Variants in TSPAN9 observed in about 807,000 individuals in gnomAD.
TSPAN9 encodes tetraspanin 9.
Under a neutral mutation model 31.0 loss-of-function variants are expected in TSPAN9, and 16 were observed. That is an observed-to-expected ratio of 0.52 (90% confidence interval 0.35 to 0.78). The LOEUF (loss-of-function observed/expected upper bound fraction) is 0.78. Ranked by LOEUF, TSPAN9 falls within the 30% of genes least tolerant of loss-of-function variation. TSPAN9 has a pLI of 0.01. For synonymous variants in TSPAN9, 145 were observed against 121.6 expected, an observed-to-expected ratio of 1.19 and a Z score of -1.27; for missense variants, 272 against 312.5, an observed-to-expected ratio of 0.87 and a Z score of 0.98.
intron 2 of TSPAN9, among the ~76,000 whole-genome samples, chr12:3,177,419 G>GA (rs2098356364): frequency 6.7e-6 from 1 of 149,114 alleles, no homozygotes; most frequent in African/African-American, 2.5e-5. Flanking sequence ...TTACAGGCGT[G>GA]AGCCACTGTG....
chr12:3,163,674 A>G (rs1415884056), intron 2 of TSPAN9, among the ~76,000 whole-genome samples: 1 of 152,230 alleles, frequency 6.6e-6, no homozygotes, highest in African/African-American at 2.4e-5. Context: ...TACGAGAGAC[A>G]GATGTCAGCG....
chr12:3,209,104 G>A (rs1050595028), intron 3 of TSPAN9, among the ~76,000 whole-genome samples: 5 of 151,970 alleles, frequency 3.3e-5, no homozygotes, highest in African/African-American at 7.3e-5. Context: ...GTGTGGTGGC[G>A]GGTGCCTGTA....
chr12:3,086,293 C>G (rs1226922490), intron 2 of TSPAN9, among the ~76,000 whole-genome samples: 1 of 151,232 alleles, frequency 6.6e-6, no homozygotes, highest in Non-Finnish European at 1.5e-5. Context: ...ACGATCCTAT[C>G]TGCATTTCAA....
At chr12:3,183,324 T>C (rs967883830) in intron 2 of TSPAN9, among the ~76,000 whole-genome samples, 12 of 151,984 alleles carry the variant, frequency 7.9e-5, no homozygotes, top group Non-Finnish European at 1.3e-4. Context: ...GGAGGGGAGA[T>C]TTTGGCCAGG....
intron 3 of TSPAN9, among the ~76,000 whole-genome samples, chr12:3,203,063 T>G (rs1232206016): frequency 6.6e-6 from 1 of 152,202 alleles, no homozygotes; most frequent in East Asian, 1.9e-4. Flanking sequence ...CCTTTTTGTT[T>G]TGTCCCACCC....
At chr12:3,151,930 AC>A (rs373001112) in intron 2 of TSPAN9, among the ~76,000 whole-genome samples, 1 of 151,630 alleles carries the variant, frequency 6.6e-6, no homozygotes, top group Non-Finnish European at 1.5e-5. Context: ...CTCAAAAAAA[AC>A]AAAAAAAACA....
intron 3 of TSPAN9, among the ~76,000 whole-genome samples, chr12:3,235,169 C>T (rs1458251777): frequency 1.1e-4 from 11 of 97,672 alleles, no homozygotes; most frequent in Non-Finnish European, 1.7e-4. Flanking sequence ...TGCGACAGAG[C>T]GAGACTCCGT....
chr12:3,232,501 T>C (rs2098391281), intron 3 of TSPAN9, among the ~76,000 whole-genome samples: 1 of 152,238 alleles, frequency 6.6e-6, no homozygotes, highest in South Asian at 2.1e-4. Context: ...TCCCTGCAAT[T>C]GGTCCATGGA....
intron 3 of TSPAN9, among the ~76,000 whole-genome samples, chr12:3,237,794 C>T (rs2098394589): frequency 6.6e-6 from 1 of 152,170 alleles, no homozygotes; most frequent in South Asian, 2.1e-4. Flanking sequence ...CATTAGCTCC[C>T]TCCAGCTGTC....
chr12:3,121,765 A>G (rs1460726120), intron 2 of TSPAN9, among the ~76,000 whole-genome samples: 1 of 152,048 alleles, frequency 6.6e-6, no homozygotes, highest in Non-Finnish European at 1.5e-5. Context: ...GCTCTCAGGC[A>G]CCACCTCCAC....
chr12:3,269,190 CCAGCCTGCCCTCTCTGTGTTCCTG>C (rs1565639983), intron 3 of TSPAN9, among the ~76,000 whole-genome samples: 20 of 88,144 alleles, frequency 2.3e-4, no homozygotes, highest in Non-Finnish European at 3.7e-4. Context: ...CTGTGTTTTT[CCAGCCTGCCCTCTCTGTGTTCCTG>C]CAGCCTGCCC....
At chr12:3,142,396 G>A (rs936078634) in intron 2 of TSPAN9, among the ~76,000 whole-genome samples, 4 of 152,016 alleles carry the variant, frequency 2.6e-5, no homozygotes, top group Non-Finnish European at 5.9e-5. Context: ...CCCCCTCCTC[G>A]CCTCTCGCCT....
At chr12:3,081,838 G>GTATATATA (rs1456999682) in intron 1 of TSPAN9, among the ~76,000 whole-genome samples, 135 of 31,016 alleles carry the variant, frequency 4.4e-3, no homozygotes, top group Admixed American at 0.016. Context: ...GTGTGTGTCT[G>GTATATATA]TGTGTGTATA....
intron 2 of TSPAN9, among the ~76,000 whole-genome samples, chr12:3,115,199 T>G (rs183004701): frequency 2.7e-4 from 41 of 152,334 alleles, no homozygotes; most frequent in Admixed American, 1.8e-3. Context: ...GTGACTGACT[T>G]CTTCCACTTA....
At chr12:3,239,746 C>T (rs1343725688) in intron 3 of TSPAN9, among the ~76,000 whole-genome samples, 1 of 152,084 alleles carries the variant, frequency 6.6e-6, no homozygotes, top group Admixed American at 6.6e-5. Context: ...CTGGACTTAT[C>T]CTTCTGGGAG....
intron 2 of TSPAN9, chr12:3,124,699 C>T (rs61916308): frequency 0.14 from 20,804 of 151,832 alleles, 1,749 homozygotes; most frequent in Middle Eastern, 0.22. Flanking sequence ...TGTGAGCCAC[C>T]GCGCCCAGCC....
intron 2 of TSPAN9, among the ~76,000 whole-genome samples, chr12:3,156,195 G>T (rs1162513637): frequency 2.0e-5 from 3 of 152,152 alleles, no homozygotes; most frequent in Non-Finnish European, 4.4e-5. Context: ...TGCACCTTTG[G>T]CATTTGATGA....
intron 3 of TSPAN9, among the ~76,000 whole-genome samples, chr12:3,271,287 G>A (rs1190283463): frequency 6.6e-6 from 1 of 152,204 alleles, no homozygotes; most frequent in African/African-American, 2.4e-5. Context: ...AGCTCAGTGT[G>A]AGACTAAACT....
At chr12:3,202,111 G>T (rs1017762975) in intron 3 of TSPAN9, among the ~76,000 whole-genome samples, 5 of 152,262 alleles carry the variant, frequency 3.3e-5, no homozygotes, top group African/African-American at 1.2e-4. Context: ...TCTGGAGGCT[G>T]TGCGCACATA....
Sources: gnomAD v4.1 joint callset for allele counts (sites outside exome capture counted in the v4.1 genomes callset) on GRCh38, gnomAD v4.1.1 for gene constraint, MANE v1.5 for transcripts, NCBI Gene and HGNC (gene_info 2026-07-23, HGNC 2026-07-21) for gene names.